The following TRPM3 variants were observed in gnomAD, a reference collection of about 807,000 sequenced individuals.
TRPM3 encodes the protein transient receptor potential cation channel subfamily M member 3, also known as long transient receptor potential channel 3.
Under a neutral mutation model 181.2 loss-of-function variants are expected in TRPM3, and 77 were observed. That is an observed-to-expected ratio of 0.42 (90% CI 0.35 to 0.51). The LOEUF is 0.51. Ranked by LOEUF, TRPM3 falls within the 20% of genes least tolerant of loss-of-function variation. The pLI is 0.01. For synonymous variants in TRPM3, 745 were observed against 796.4 expected, an observed-to-expected ratio of 0.94 and a Z score of 1.09; for missense variants, 1,759 against 2,196.7, an observed-to-expected ratio of 0.80 and a Z score of 3.98.
At chr9:70,553,589 AGGCCCCTACACCG>A (rs1421495677) in intron 22 of TRPM3, among the ~76,000 whole-genome samples, 1 of 152,138 alleles carries the variant, frequency 6.6e-6, no homozygotes, top group Non-Finnish European at 1.5e-5. Flanking sequence ...CACTGCCGCT[AGGCCCCTACACCG>A]GGTGAGGGGC....
chr9:71,047,447 T>C (rs747281352), intron 1 of TRPM3, among the ~76,000 whole-genome samples: 4 of 152,208 alleles, frequency 2.6e-5, no homozygotes, highest in Non-Finnish European at 2.9e-5. Flanking sequence ...AGTATTTTAC[T>C]TGAATGTCCC....
intron 1 of TRPM3, among the ~76,000 whole-genome samples, chr9:71,255,054 T>G (rs2132039809): frequency 6.6e-6 from 1 of 152,284 alleles, no homozygotes; most frequent in East Asian, 1.9e-4. Flanking sequence ...CCAGTCCAAC[T>G]TAGCCACAAA....
In TRPM3 at chr9:70,558,779, TG is replaced by T. The variant is rs371572031; in HGVS notation, c.3224-5470del. 3.5e-3 allele frequency among the ~76,000 whole-genome samples: 536 copies of T among 152,280 alleles called. 3 individuals are homozygous for T. The highest frequency in any genetic ancestry group is 0.012 in the African/African-American group (509 of 41,552). On this transcript the variant is annotated intron_variant, in intron 22 of 25. Transcript: ENST00000677713. ...CTCAAAGTCACGTGCAGGTACAGAATGGGAAGGCTACATCTATGCAGCAGTG... is the reference window on the plus strand; with the variant it reads ...CTCAAAGTCACGTGCAGGTACAGAATGGAAGGCTACATCTATGCAGCAGTG...
At chr9:71,446,925 G>C (rs182718990), upstream of TRPM3, 2,393 of 1,312,856 alleles carry the variant, frequency 1.8e-3, 33 homozygotes, top group African/African-American at 0.033. Context: ...GCCTGCGCGC[G>C]GCTCTCGGTT....
At chr9:70,570,300 G>C (rs962368809) in intron 22 of TRPM3, among the ~76,000 whole-genome samples, 2 of 120,342 alleles carry the variant, frequency 1.7e-5, no homozygotes, top group Non-Finnish European at 3.3e-5. Context: ...CATATTACTA[G>C]AGTTTTTTTT....
chr9:71,385,228 G>T (rs1412725396), intron 1 of TRPM3, among the ~76,000 whole-genome samples: 1 of 152,084 alleles, frequency 6.6e-6, no homozygotes, highest in South Asian at 2.1e-4. Flanking sequence ...TGTCTCTTTT[G>T]TAGTCTCAAA....
At chr9:70,657,006 A>G (rs1167955655) in intron 9 of TRPM3, among the ~76,000 whole-genome samples, 3 of 151,916 alleles carry the variant, frequency 2.0e-5, no homozygotes, top group African/African-American at 7.2e-5. Flanking sequence ...TAGTCCTAGA[A>G]TAAAATGACT....
At chr9:71,349,617 A>G (rs149309567) in intron 1 of TRPM3, among the ~76,000 whole-genome samples, 1 of 152,360 alleles carries the variant, frequency 6.6e-6, no homozygotes, top group African/African-American at 2.4e-5. Flanking sequence ...CCTACATGTA[A>G]AGTTAATGAA....
chr9:71,317,455 C>A (rs1163224900), intron 1 of TRPM3, among the ~76,000 whole-genome samples: 1 of 151,992 alleles, frequency 6.6e-6, no homozygotes, highest in Non-Finnish European at 1.5e-5. Context: ...GCCTGGGCAA[C>A]AATGGTGGAA....
chr9:70,844,230 C>G (rs1335693546), intron 4 of TRPM3, among the ~76,000 whole-genome samples: 1 of 152,124 alleles, frequency 6.6e-6, no homozygotes, highest in Non-Finnish European at 1.5e-5. Context: ...GCAATTTAAT[C>G]ATGGGAAAAG....
intron 22 of TRPM3, among the ~76,000 whole-genome samples, chr9:70,555,680 G>T (rs1013914484): frequency 6.6e-6 from 1 of 152,182 alleles, no homozygotes; most frequent in African/African-American, 2.4e-5. Flanking sequence ...AGACTTCAGT[G>T]TCTCTGCTAC....
chr9:70,897,008 G>A (rs560308844), intron 1 of TRPM3, among the ~76,000 whole-genome samples: 2 of 125,282 alleles, frequency 1.6e-5, no homozygotes, highest in Non-Finnish European at 3.3e-5. Flanking sequence ...GTGATATTTT[G>A]ATACATGTAT....
intron 1 of TRPM3, among the ~76,000 whole-genome samples, chr9:71,353,820 T>C (rs1420403722): frequency 1.3e-5 from 2 of 152,182 alleles, no homozygotes; most frequent in Non-Finnish European, 2.9e-5. Flanking sequence ...ACCACATATA[T>C]TGGTGAACAG....
chr9:70,987,754 T>C (rs1334361951), intron 1 of TRPM3, among the ~76,000 whole-genome samples: 1 of 152,156 alleles, frequency 6.6e-6, no homozygotes, highest in African/African-American at 2.4e-5. Flanking sequence ...AGAACAATGA[T>C]TAATTCTCTG....
chr9:71,023,492 A>T (rs1157581128), intron 1 of TRPM3, among the ~76,000 whole-genome samples: 1 of 152,178 alleles, frequency 6.6e-6, no homozygotes, highest in African/African-American at 2.4e-5. Context: ...TCCTTATCCT[A>T]GAGAAATGAA....
At chr9:70,612,381 G>A (rs537007708) in intron 18 of TRPM3, among the ~76,000 whole-genome samples, 1 of 152,324 alleles carries the variant, frequency 6.6e-6, no homozygotes, top group East Asian at 1.9e-4. Flanking sequence ...CAAGCTTAAA[G>A]TTGAGAGAGC....
Position 70,917,107 on chromosome 9 carries a change from A to G in TRPM3, c.178-52596T>C, listed in dbSNP as rs561929958. 114 of 1,603,018 alleles carry G rather than the reference A, an allele frequency of 7.1e-5. 1 individual carries two copies. The African/African-American group carries it at 1.4e-3, about 20-fold the overall frequency. Reference sequence around the variant, plus strand: ...ACAGGTCCACTTTCAGAGAGATGTAACACATTTCCATAGGGGTTCGGATGA... The same window carrying G: ...ACAGGTCCACTTTCAGAGAGATGTAGCACATTTCCATAGGGGTTCGGATGA... On this transcript the variant is annotated intron_variant, in intron 1 of 25. Coordinates refer to ENST00000677713, the MANE Select transcript of TRPM3 (RefSeq NM_001366145.2).
At chr9:70,957,557 G>T (rs2097091663) in intron 1 of TRPM3, among the ~76,000 whole-genome samples, 1 of 150,920 alleles carries the variant, frequency 6.6e-6, no homozygotes, top group African/African-American at 2.4e-5. Context: ...ATTTTTTTTT[G>T]AAGATGGCAT....
intron 5 of TRPM3, among the ~76,000 whole-genome samples, chr9:70,829,511 T>C (rs1395689452): frequency 3.9e-5 from 6 of 152,194 alleles, no homozygotes; most frequent in Non-Finnish European, 7.4e-5. Context: ...AATTCTGAGC[T>C]TCTGAAAAAG....
Sources: gnomAD v4.1 joint callset for allele counts (sites outside exome capture counted in the v4.1 genomes callset) on GRCh38, gnomAD v4.1.1 for gene constraint, MANE v1.5 for transcripts, NCBI Gene and HGNC (gene_info 2026-07-23, HGNC 2026-07-21) for gene names.